PCDHA1: variants seen among roughly 807,000 people sequenced by gnomAD.
The protein encoded by PCDHA1 is protocadherin alpha-1.
PCDHA1 carries 42 observed loss-of-function variants against 61.3 expected under a neutral mutation model. That is an observed-to-expected ratio of 0.69 (90% CI 0.54 to 0.89). PCDHA1 has a LOEUF of 0.89. Ranked by LOEUF, PCDHA1 falls within the 40% of genes least tolerant of loss-of-function variation. The pLI is 0.00. For synonymous variants in PCDHA1, 610 were observed against 553.8 expected (o/e 1.10, Z -1.43); for missense variants, 1,256 against 1,235.3 (o/e 1.02, Z -0.25).
chr5:140,787,378 C>T lies in PCDHA1; in HGVS notation c.1088C>T (p.Ala363Val). The change falls in exon 1 of 4, where the codon GCT becomes GTT. Residue 363 changes from alanine to valine, a missense_variant. Coordinates refer to ENST00000504120, the MANE Select transcript of PCDHA1 (RefSeq NM_018900.4). The stretch of plus-strand genomic sequence containing the variant: ...TTGTATTTGCCTATCAGAGAGGACG[C>T]TCCACTCAGCACCGTCATCGCCCTC... The part of the protein sequence containing the change: ...TSLYLPIRED[A>V]PLSTVIALIT... 1 of 1,614,206 alleles carries T rather than the reference C, an allele frequency of 6.2e-7. No individual in the cohort carries two copies. The highest frequency in any genetic ancestry group is 8.5e-7 in the Non-Finnish European group (1 of 1,180,040).
rs2098417418 is a variant in PCDHA1, at chr5:141,010,475, T to A, written c.*538T>A. On this transcript the variant is annotated 3_prime_UTR_variant, in exon 4 of 4. Coordinates refer to ENST00000504120, the MANE Select transcript of PCDHA1 (RefSeq NM_018900.4). ...GGAAGTTATCAGTATGGAGGGGAAG[T>A]GTAAACTTAAAGGGACCAGACTTTC... 16 of 757,310 alleles carry A rather than the reference T, an allele frequency of 2.1e-5. No homozygotes were observed. The highest frequency in any genetic ancestry group is 3.0e-5 in the Non-Finnish European group (15 of 502,774). 46.9% of individuals were successfully genotyped at this position (757,310 alleles called of 1,614,324 possible). A position where few individuals can be genotyped will look rare whatever the true frequency, so the allele number is the denominator to read the frequency against.
Position 140,786,663 on chromosome 5 carries a change from G to C in PCDHA1, c.373G>C (p.Asp125His). 1 of 1,614,266 alleles carries C rather than the reference G, an allele frequency of 6.2e-7. No individual in the cohort carries two copies. Among genetic ancestry groups the C allele is most frequent in the Non-Finnish European group, 8.5e-7 (1 of 1,180,040 alleles). ...QVFHVEVKVKDINDNPPVFRG... is the reference protein window; with the variant it reads ...QVFHVEVKVKHINDNPPVFRG... ...TTTCCATGTGGAGGTGAAGGTGAAA[G>C]ACATTAACGATAATCCACCCGTCTT... Residue 125 changes from aspartate (D) to histidine (H), a missense_variant, in exon 1 of 4, where the codon GAC becomes CAC. By Grantham distance (81) the Asp-to-His change is moderately conservative (BLOSUM62 -1). Transcript: ENST00000504120.
At chr5:140,801,021 A>T in intron 1 of PCDHA1, 2 of 1,423,322 alleles carry the variant, frequency 1.4e-6, no homozygotes, top group East Asian at 2.5e-5. Flanking sequence ...GCTGTCCACC[A>T]CAAGGTCTTT....
intron 1 of PCDHA1, chr5:140,796,055 C>T (rs1214557542): frequency 1.2e-5 from 19 of 1,614,090 alleles, no homozygotes; most frequent in African/African-American, 4.0e-5. Context: ...GAGAACGCTT[C>T]CCTGGGCACT....
At chr5:140,855,521 G>A (rs1349311147) in intron 1 of PCDHA1, among the ~76,000 whole-genome samples, 1 of 149,904 alleles carries the variant, frequency 6.7e-6, no homozygotes, top group Admixed American at 6.7e-5. Context: ...AAAATAATGA[G>A]AAAGAGAAGT....
At chr5:140,820,895 A>G (rs1216574089) in intron 1 of PCDHA1, among the ~76,000 whole-genome samples, 5 of 152,098 alleles carry the variant, frequency 3.3e-5, no homozygotes, top group African/African-American at 1.2e-4. Context: ...AAGACGATTT[A>G]CCAAAGTCGT....
Position 140,999,523 on chromosome 5 carries a change from C to A in PCDHA1, c.2543-10104C>A, listed in dbSNP as rs115576128. On this transcript the variant is annotated intron_variant, in intron 3 of 3. Coordinates refer to ENST00000504120, the MANE Select transcript of PCDHA1 (RefSeq NM_018900.4). ...AACCTACATTTTAAGCATTTTGTTA[C>A]CCCCTGGATATGACAGCCAATGAAG... is the stretch of plus-strand genomic sequence containing the variant. Among the ~76,000 whole-genome samples, 464 of 152,142 alleles carry A rather than the reference C, an allele frequency of 3.0e-3. 6 individuals carry two copies. Among genetic ancestry groups the A allele is most frequent in the Middle Eastern group, 0.01 (3 of 294 alleles).
intron 3 of PCDHA1, among the ~76,000 whole-genome samples, chr5:140,985,992 G>A (rs1173402846): frequency 3.3e-5 from 5 of 152,068 alleles, no homozygotes; most frequent in African/African-American, 4.8e-5. Context: ...GCCCACCTCA[G>A]CCTCCCAAAG....
intron 1 of PCDHA1, chr5:140,803,779 T>A: frequency 1.1e-6 from 1 of 902,636 alleles, no homozygotes; most frequent in Non-Finnish European, 1.6e-6. Flanking sequence ...AAATCAGCAG[T>A]AAGTTATGAT....
In PCDHA1 at chr5:140,828,621, A is replaced by G. The variant is rs2150157492; in HGVS notation, c.2394+39937A>G. Reference sequence around the variant, plus strand: ...ACCTATAAACTCAGTTCTAGCGAATACTTCGGGCTAGATGTGAAAATAAAC... The same window carrying G: ...ACCTATAAACTCAGTTCTAGCGAATGCTTCGGGCTAGATGTGAAAATAAAC... On this transcript the variant is annotated intron_variant, in intron 1 of 3. Transcript: ENST00000504120. 11 of 1,614,094 alleles carry G rather than the reference A, an allele frequency of 6.8e-6. No individual in the cohort carries two copies. The South Asian group carries it at 1.2e-4, about 18-fold the overall frequency.
At position 140,786,434 on chromosome 5, in the gene PCDHA1, T is replaced by C. The variant is rs1554117385; in HGVS notation, c.144T>C (p.Val48=). 6.2e-7 allele frequency: 1 copy of C among 1,613,484 alleles called. No individual in the cohort carries two copies. The highest frequency in any genetic ancestry group is 1.7e-5 in the Admixed American group (1 of 60,030). ...EAKHGTFVGR[V]AQDLGLELAE... is the part of the protein sequence containing the mutation. ...AACACGGCACCTTCGTTGGCCGCGT[T>C]GCTCAGGACCTGGGACTGGAGCTGG... The change falls in exon 1 of 4, where the codon GTT becomes GTC. Residue 48 remains valine, a synonymous_variant. Transcript: ENST00000504120.
chr5:140,851,439 G>C (rs2042060539), intron 1 of PCDHA1: 1 of 927,140 alleles, frequency 1.1e-6, no homozygotes, highest in African/African-American at 1.8e-5. Flanking sequence ...GAAAACAGTT[G>C]CTCCACTTTA....
chr5:140,803,313 G>T, intron 1 of PCDHA1: 1 of 1,614,142 alleles, frequency 6.2e-7, no homozygotes, highest in Non-Finnish European at 8.5e-7. Flanking sequence ...CGCCATCTGC[G>T]CGGTGTCCAG....
chr5:140,804,965 A>G, intron 1 of PCDHA1: 4 of 1,454,770 alleles, frequency 2.7e-6, no homozygotes, highest in Non-Finnish European at 3.7e-6. Flanking sequence ...AGTAGTAGCC[A>G]TAGTGTGTCC....
At chr5:140,928,321 A>G (rs1296238254) in intron 1 of PCDHA1, 1 of 1,614,162 alleles carries the variant, frequency 6.2e-7, no homozygotes, top group Non-Finnish European at 8.5e-7. Context: ...CCTGGGGAAG[A>G]ATGGCCTTGT....
At chr5:140,815,756 G>A (rs2126666979) in intron 1 of PCDHA1, 2 of 152,190 alleles carry the variant, frequency 1.3e-5, no homozygotes, top group African/African-American at 4.8e-5. Context: ...AACATTTCTT[G>A]TAAGGCAAGT....
At chr5:140,870,920 T>G (rs782215482) in intron 1 of PCDHA1, 20 of 1,613,814 alleles carry the variant, frequency 1.2e-5, no homozygotes, top group Non-Finnish European at 3.4e-6. Flanking sequence ...AACGCGTGGC[T>G]TTCATATGAA....
At chr5:140,957,556 A>G (rs1364343526) in intron 1 of PCDHA1, among the ~76,000 whole-genome samples, 1 of 152,150 alleles carries the variant, frequency 6.6e-6, no homozygotes, top group African/African-American at 2.4e-5. Flanking sequence ...TCTCTGTGGA[A>G]AAGGAGGGAC....
At chr5:140,918,940 A>C (rs541337613) in intron 1 of PCDHA1, among the ~76,000 whole-genome samples, 51 of 152,328 alleles carry the variant, frequency 3.3e-4, no homozygotes, top group African/African-American at 1.2e-3. Flanking sequence ...TTTTGTTATA[A>C]TATCCTGAAC....
Sources: allele counts gnomAD v4.1 joint callset (sites outside exome capture counted in the v4.1 genomes callset), GRCh38; gene constraint gnomAD v4.1.1; transcripts MANE v1.5; gene names NCBI Gene and HGNC (gene_info 2026-07-23, HGNC 2026-07-21).